USP35: variants seen among roughly 807,000 people sequenced by gnomAD.
USP35 encodes ubiquitin specific peptidase 35.
A neutral mutation model predicts 83.8 loss-of-function variants in USP35; 69 were observed. The observed-to-expected ratio is 0.82, with a 90% confidence interval of 0.68 to 1.01. USP35 has a LOEUF of 1.01. Ranked by LOEUF, USP35 falls within the 50% of genes least tolerant of loss-of-function variation. The pLI, the probability that USP35 is intolerant of heterozygous loss-of-function variation, is 0.00. For synonymous variants in USP35, 714 were observed against 589.5 expected (o/e 1.21, Z -3.06); for missense variants, 1,503 against 1,362.5 (o/e 1.10, Z -1.62).
At chr11:78,213,561 A>C (rs901105) in intron 10 of USP35, 85 bp from the exon 11 acceptor site, 246,318 of 1,386,012 alleles carry the variant, frequency 0.18, 24,566 homozygotes, top group East Asian at 0.41. Context: ...TAGAGGAAAC[A>C]TTGAAAGGTG....
chr11:78,206,972 G>T (rs1444811039), intron 7 of USP35, among the ~76,000 whole-genome samples: 2 of 152,180 alleles, frequency 1.3e-5, no homozygotes, highest in African/African-American at 4.8e-5. Context: ...TCCTCACATT[G>T]ACCTCTGCCT....
chr11:78,210,618 G>A lies in USP35; in HGVS notation c.2763G>A (p.Leu921=), dbSNP rs1422581125. 1 of 1,614,196 alleles carries A rather than the reference G, an allele frequency of 6.2e-7. No individual in the cohort carries two copies. ...TCCCTAAGGACACAGCCTATGTGCT[G>A]TTTTACCGGCAGCGGCCCAGGGAGG... ...SFFPKDTAYV[L]FYRQRPREGP... Residue 921 remains leucine (L), a synonymous_variant, in exon 10 of 11, where the codon CTG becomes CTA. Coordinates refer to ENST00000529308, the MANE Select transcript of USP35 (RefSeq NM_020798.4).
In USP35 at chr11:78,213,295, G is replaced by T. The variant is rs116666949; in HGVS notation, c.2890-351G>T. ...TAGCAGGAGGATGGGCTTTCTCATA[G>T]GCAGAGCCCATTCCTCGTGATCATG... On this transcript the variant is annotated intron_variant, in intron 10 of 10. Coordinates refer to ENST00000529308, the MANE Select transcript of USP35 (RefSeq NM_020798.4). 7.5e-3 allele frequency among the ~76,000 whole-genome samples: 1,142 copies of T among 152,202 alleles called. 16 individuals are homozygous for T. The highest frequency in any genetic ancestry group is 0.026 in the African/African-American group (1,066 of 41,522).
At chr11:78,205,701 C>A in intron 6 of USP35, 141 bp from the exon 7 acceptor site, 1 of 873,352 alleles carries the variant, frequency 1.1e-6, no homozygotes. Flanking sequence ...TGTTCACACA[C>A]ACCCCAGAAC....
chr11:78,203,139 A>G (rs1237653572), intron 6 of USP35, among the ~76,000 whole-genome samples: 1 of 152,006 alleles, frequency 6.6e-6, no homozygotes, highest in African/African-American at 2.4e-5. Context: ...AGGGGCAGGG[A>G]GTTAGGCTTT....
intron 3 of USP35, 136 bp downstream of exon 3, chr11:78,198,204 C>T: frequency 7.3e-7 from 1 of 1,368,472 alleles, no homozygotes; most frequent in South Asian, 1.3e-5. Flanking sequence ...GTTCCATCAT[C>T]TATCCTTTCT....
At chr11:78,226,963 A>G in the USP35 span, 4 of 1,613,524 alleles carry the variant, frequency 2.5e-6, no homozygotes, top group South Asian at 4.4e-5. Context: ...CCGTTGACAC[A>G]GTGTCCATTG....
the USP35 span, among the ~76,000 whole-genome samples, chr11:78,236,414 G>A: frequency 6.6e-6 from 1 of 152,018 alleles, no homozygotes; most frequent in Non-Finnish European, 1.5e-5. Flanking sequence ...GCATCCTAAA[G>A]TGCTGGGATT....
At chr11:78,200,293 C>T in intron 5 of USP35, 59 bp downstream of exon 5, 2 of 1,550,054 alleles carry the variant, frequency 1.3e-6, no homozygotes, top group Non-Finnish European at 1.8e-6. Context: ...CTGGTAAGGG[C>T]CCTGCCTACT....
chr11:78,196,907 TCTC>T lies in USP35; in HGVS notation c.665_667del (p.Ser222del), dbSNP rs748391159. Reference sequence around the variant, plus strand: ...TGCCTCAAAGAGCTGTTCGCAGTCATCTCCTGCGCAGGTGCGTGTGCGGCCGGG... The same window carrying T: ...TGCCTCAAAGAGCTGTTCGCAGTCATCTGCGCAGGTGCGTGTGCGGCCGGG... On this transcript the variant is annotated inframe_deletion, in exon 2 of 11. Coordinates refer to ENST00000529308, the MANE Select transcript of USP35 (RefSeq NM_020798.4). The surrounding 1 kb of genome is among the most constrained non-coding windows in gnomAD (Gnocchi z 4.8). 3.1e-5 allele frequency: 45 copies of T among 1,461,666 alleles called. No individual in the cohort carries two copies. The highest frequency in any genetic ancestry group is 4.1e-5 in the Non-Finnish European group (45 of 1,110,012). The allele number at this position is 1,461,666 out of a possible 1,614,324, so 90.5% of individuals were successfully genotyped here.
chr11:78,200,193 A>C lies in USP35; in HGVS notation c.997A>C (p.Met333Leu). ...AGCTGCCTTGTCTGTGCTCAAGTAC[A>C]TGCTCCTGACCTTCCAGCACTCCCA... ...RGAALSVLKYMLLTFQHSHEA... is the reference protein window; with the variant it reads ...RGAALSVLKYLLLTFQHSHEA... Residue 333 changes from methionine (M) to leucine (L), a missense_variant, in exon 5 of 11, where the codon ATG (methionine) becomes CTG (leucine). Coordinates refer to ENST00000529308, the MANE Select transcript of USP35 (RefSeq NM_020798.4). 1.2e-6 allele frequency: 2 copies of C among 1,614,148 alleles called. No homozygotes were observed. Among genetic ancestry groups the C allele is most frequent in the South Asian group, 2.2e-5 (2 of 91,084 alleles).
At position 78,210,001 on chromosome 11, in the gene USP35, G is replaced by A; in HGVS notation, c.2146G>A (p.Glu716Lys). The A allele has an allele frequency of 2.5e-6, 4 of 1,613,590 alleles. No individual in the cohort carries two copies. The highest frequency in any genetic ancestry group is 3.4e-6 in the Non-Finnish European group (4 of 1,179,802). ...GAAAGAGGAGGAGGTGGAAGAGGAA[G>A]AAGAGAAGGTGGAGAAGGAGACAGA... ...REKEEEVEEE[E>K]EKVEKETEKE... Residue 716 changes from glutamate (E) to lysine (K), a missense_variant, in exon 10 of 11, where the codon GAA (glutamate) becomes AAA (lysine). Physicochemically the swap from Glu to Lys is moderately conservative, Grantham distance 56 (BLOSUM62 1). Coordinates refer to ENST00000529308, the MANE Select transcript of USP35 (RefSeq NM_020798.4).
Position 78,214,040 on chromosome 11 carries a change from A to C in USP35, c.*227A>C. ...AACTTTACACCCAAGTGTCCTGGTT[A>C]ACTTGAAGCAGCCGAGATGGGCACA... On this transcript the variant is annotated 3_prime_UTR_variant, in exon 11 of 11. Transcript: ENST00000529308. The C allele has an allele frequency of 2.2e-6, 1 of 450,972 alleles. No homozygotes were observed. The highest frequency in any genetic ancestry group is 3.7e-6 in the Non-Finnish European group (1 of 268,276). 27.9% of individuals were successfully genotyped at this position (450,972 alleles called of 1,614,324 possible).
chr11:78,233,198 C>T, the USP35 span, among the ~76,000 whole-genome samples: 2 of 152,150 alleles, frequency 1.3e-5, no homozygotes, highest in Admixed American at 6.5e-5. Flanking sequence ...TGCCACCATG[C>T]CTGGCTAATT....
chr11:78,203,583 A>ATTTTTTTTTTTTTTTTTTTTTTT (rs1315163063), intron 6 of USP35, among the ~76,000 whole-genome samples: 2 of 146,658 alleles, frequency 1.4e-5, no homozygotes. Flanking sequence ...TTAATATTAC[A>ATTTTTTTTTTTTTTTTTTTTTTT]TTTTTTTTTT....
intron 1 of USP35, among the ~76,000 whole-genome samples, chr11:78,195,046 A>G (rs1405388565): frequency 2.0e-5 from 3 of 152,226 alleles, no homozygotes; most frequent in Admixed American, 1.3e-4. Context: ...GGCAGAGGGC[A>G]CACGGTGAGC....
At chr11:78,224,959 C>T in the USP35 span, 10 of 605,464 alleles carry the variant, frequency 1.7e-5, no homozygotes, top group Admixed American at 6.1e-5. Context: ...AAAGACTCAA[C>T]GCAGGGTTCT....
chr11:78,208,998 C>CT, intron 9 of USP35, 35 bp downstream of exon 9: 1 of 1,599,482 alleles, frequency 6.3e-7, no homozygotes, highest in Non-Finnish European at 8.6e-7. Flanking sequence ...GACTCCAGGT[C>CT]TAGAGGGTCC....
chr11:78,235,874 C>T, the USP35 span, among the ~76,000 whole-genome samples: 4 of 152,188 alleles, frequency 2.6e-5, no homozygotes, highest in South Asian at 6.2e-4. Flanking sequence ...TGCCTGTTAC[C>T]CAGTTCCAAA....
Sources: gnomAD v4.1 joint callset for allele counts (sites outside exome capture counted in the v4.1 genomes callset) on GRCh38, gnomAD v4.1.1 for gene constraint, Gnocchi (gnomAD v3.1) non-coding constraint, MANE v1.5 for transcripts, NCBI Gene and HGNC (gene_info 2026-07-23, HGNC 2026-07-21) for gene names.